The following TNNT3 variants were observed in gnomAD, a reference collection of about 807,000 sequenced individuals.
TNNT3 encodes troponin T3, fast skeletal type, also known as troponin T, fast skeletal muscle.
TNNT3 carries 36 observed loss-of-function variants against 54.2 expected under a neutral mutation model. That is an observed-to-expected ratio of 0.66 (90% CI 0.51 to 0.88). The LOEUF is 0.88. Ranked by LOEUF, TNNT3 falls within the 40% of genes least tolerant of loss-of-function variation. The pLI, the probability that TNNT3 is intolerant of heterozygous loss-of-function variation, is 0.00. For synonymous variants in TNNT3, 120 were observed against 109.7 expected, an observed-to-expected ratio of 1.09 and a Z score of -0.59; for missense variants, 291 against 331.6, an observed-to-expected ratio of 0.88 and a Z score of 0.95.
At chr11:1,934,769 G>T (rs539120562) in intron 13 of TNNT3, 60 bp from the exon 14 acceptor site, 1 of 1,602,950 alleles carries the variant, frequency 6.2e-7, no homozygotes, top group African/African-American at 1.3e-5. Flanking sequence ...GAGGACTCCA[G>T]GGGCCTGGCC....
chr11:1,922,745 C>T (rs1047328124), intron 1 of TNNT3, 112 bp from the exon 2 acceptor site: 10 of 1,062,920 alleles, frequency 9.4e-6, no homozygotes, highest in East Asian at 2.5e-5. Flanking sequence ...AAACCCTGCC[C>T]GCGGTCCCCC....
chr11:1,931,619 T>A (rs1853379004), intron 8 of TNNT3, among the ~76,000 whole-genome samples: 1 of 152,176 alleles, frequency 6.6e-6, no homozygotes, highest in East Asian at 1.9e-4. Context: ...GGTGGAGGAA[T>A]CTCTGTGTTT....
chr11:1,934,379 G>A lies in TNNT3; in HGVS notation c.414G>A (p.Glu138=), dbSNP rs2292470. The change falls in exon 12 of 16, where the codon GAG becomes GAA. Residue 138 remains glutamate, a synonymous_variant. Coordinates refer to ENST00000278317, the MANE Select transcript of TNNT3 (RefSeq NM_006757.4). ...REEEDAKRRA[E]DDLKKKKALS... ...AGGAGGATGCCAAGAGGAGGGCAGAGGACGACCTGAAGAAGAAGAAAGCTC... is the reference window on the plus strand; with the variant it reads ...AGGAGGATGCCAAGAGGAGGGCAGAAGACGACCTGAAGAAGAAGAAAGCTC... 5,564 of 1,613,952 alleles carry A rather than the reference G, an allele frequency of 3.4e-3. 133 individuals carry two copies. Among genetic ancestry groups the A allele is most frequent in the East Asian group, 0.023 (1,015 of 44,880 alleles).
At chr11:1,930,269 G>A (rs1045511344) in intron 8 of TNNT3, among the ~76,000 whole-genome samples, 2 of 152,114 alleles carry the variant, frequency 1.3e-5, no homozygotes, top group Admixed American at 1.3e-4. Context: ...AACACCCCAC[G>A]GCCTTCGGGG....
chr11:1,925,152 C>T (rs1234301905), intron 5 of TNNT3, 36 bp downstream of exon 5: 2 of 1,609,526 alleles, frequency 1.2e-6, no homozygotes, highest in Admixed American at 1.7e-5. Context: ...CCCATGCCCA[C>T]TCCCCAGCCT....
intron 11 of TNNT3, 102 bp from the exon 12 acceptor site, chr11:1,934,230 C>A (rs1854281367): frequency 1.7e-6 from 2 of 1,166,942 alleles, no homozygotes; most frequent in South Asian, 2.6e-5. Context: ...CCAGGGTGGG[C>A]CCTTCCAGAC....
chr11:1,936,245 T>C, intron 14 of TNNT3: 1 of 1,613,864 alleles, frequency 6.2e-7, no homozygotes. Flanking sequence ...GTGCAGATGC[T>C]GGCCAAGTTG....
chr11:1,934,411 C>G lies in TNNT3; in HGVS notation c.446C>G (p.Ser149Cys). The G allele has an allele frequency of 6.2e-7, 1 of 1,613,764 alleles. No individual in the cohort carries two copies. The highest frequency in any genetic ancestry group is 8.5e-7 in the Non-Finnish European group (1 of 1,180,024). Residue 149 changes from serine to cysteine, a missense_variant, in exon 12 of 16, where the codon TCC becomes TGC. By Grantham distance (112) the Ser-to-Cys change is moderately radical. Coordinates refer to ENST00000278317, the MANE Select transcript of TNNT3 (RefSeq NM_006757.4). ...CTGAAGAAGAAGAAAGCTCTGTCTT[C>G]CATGGGAGCCAACTACAGCAGCTAC... Reference protein sequence around the residue: ...DDLKKKKALSSMGANYSSYLA... With the variant: ...DDLKKKKALSCMGANYSSYLA...
intron 14 of TNNT3, chr11:1,935,197 G>C: frequency 3.7e-6 from 2 of 539,566 alleles, no homozygotes; most frequent in Non-Finnish European, 3.4e-6. Flanking sequence ...AAGGACTGTC[G>C]TGGCAGAGCA....
At chr11:1,929,719 G>C in intron 7 of TNNT3, 91 bp from the exon 8 acceptor site, 1 of 1,448,026 alleles carries the variant, frequency 6.9e-7, no homozygotes, top group Non-Finnish European at 9.5e-7. Flanking sequence ...GGGGAACCCA[G>C]GGCCGCAGGC....
intron 3 of TNNT3, among the ~76,000 whole-genome samples, chr11:1,923,317 C>T (rs374373184): frequency 2.6e-5 from 4 of 152,188 alleles, no homozygotes; most frequent in East Asian, 3.9e-4. Flanking sequence ...TTCTCTCATG[C>T]CCACTGTGGG....
chr11:1,936,097 A>G, intron 14 of TNNT3: 1 of 1,144,256 alleles, frequency 8.7e-7, no homozygotes. Context: ...ATGCGGCCAC[A>G]GCGGGCCCCC....
In TNNT3 at chr11:1,934,849, G is replaced by C; in HGVS notation, c.611G>C (p.Trp204Ser). 6.2e-7 allele frequency: 1 copy of C among 1,613,596 alleles called. No individual in the cohort carries two copies. The highest frequency in any genetic ancestry group is 8.5e-7 in the Non-Finnish European group (1 of 1,180,036). ...CCCAGGGACAAGGCCAAGGAGCTCT[G>C]GGAGACCCTGCACCAGCTGGAGATT... ...DKLRDKAKEL[W>S]ETLHQLEIDK... Residue 204 changes from tryptophan to serine, a missense_variant, in exon 14 of 16, where the codon TGG (tryptophan) becomes TCG (serine). Coordinates refer to ENST00000278317, the MANE Select transcript of TNNT3 (RefSeq NM_006757.4).
At chr11:1,937,894 G>A (rs569130374) in intron 15 of TNNT3, among the ~76,000 whole-genome samples, 16 of 152,312 alleles carry the variant, frequency 1.1e-4, no homozygotes, top group South Asian at 8.3e-4. Flanking sequence ...GTGAGGGCAC[G>A]GCCTTTGCCA....
intron 8 of TNNT3, 76 bp downstream of exon 8, chr11:1,929,904 G>C: frequency 2.0e-6 from 3 of 1,527,048 alleles, no homozygotes; most frequent in Non-Finnish European, 2.7e-6. Context: ...GTGGGGTCCT[G>C]GCAGGCCCAG....
At chr11:1,927,529 A>G (rs1851964440) in intron 6 of TNNT3, among the ~76,000 whole-genome samples, 1 of 152,158 alleles carries the variant, frequency 6.6e-6, no homozygotes. Flanking sequence ...AAGAAGGGAC[A>G]TGCTGGGAGG....
chr11:1,922,541 T>A (rs1347367187), intron 1 of TNNT3, among the ~76,000 whole-genome samples: 1 of 152,092 alleles, frequency 6.6e-6, no homozygotes, highest in African/African-American at 2.4e-5. Flanking sequence ...ACGGAGAGGA[T>A]GTCTGCCCTG....
chr11:1,925,639 G>A (rs1159207977), intron 5 of TNNT3, among the ~76,000 whole-genome samples: 7 of 152,136 alleles, frequency 4.6e-5, no homozygotes, highest in Admixed American at 2.0e-4. Flanking sequence ...CCGTGGTGGC[G>A]TCGACCCCTG....
chr11:1,935,701 C>G (rs1854801251), intron 14 of TNNT3: 2 of 189,750 alleles, frequency 1.1e-5, no homozygotes, highest in Admixed American at 5.4e-5. Flanking sequence ...GCATCACCAT[C>G]AGGGCCACGA....
Sources: gnomAD v4.1 joint callset for allele counts (sites outside exome capture counted in the v4.1 genomes callset) on GRCh38, gnomAD v4.1.1 for gene constraint, MANE v1.5 for transcripts, NCBI Gene and HGNC (gene_info 2026-07-23, HGNC 2026-07-21) for gene names.